The following BMP1 variants were observed in gnomAD, a reference collection of about 807,000 sequenced individuals.
BMP1 encodes the protein bone morphogenetic protein 1, also known as mammalian tolloid protein.
Under a neutral mutation model 116.8 loss-of-function variants are expected in BMP1, and 63 were observed. That is an observed-to-expected ratio of 0.54 (90% CI 0.44 to 0.67). The LOEUF (loss-of-function observed/expected upper bound fraction) is 0.67, where lower values mean the gene tolerates loss of function less well. BMP1 is among the 30% of genes least tolerant of loss of function. The pLI, the probability that BMP1 is intolerant of heterozygous loss-of-function variation, is 0.00. For missense variants in BMP1, 1,183 were observed against 1,358.9 expected, an observed-to-expected ratio of 0.87 and a Z score of 2.04; for synonymous variants, 536 against 533.4, an observed-to-expected ratio of 1.00 and a Z score of -0.07.
At chr8:22,207,262 C>T in intron 17 of BMP1, 41 bp from the exon 18 acceptor site, 7 of 1,590,588 alleles carry the variant, frequency 4.4e-6, no homozygotes, top group Non-Finnish European at 6.0e-6. Context: ...ACCTGCCTTC[C>T]AGCCAAATTT....
intron 19 of BMP1, among the ~76,000 whole-genome samples, chr8:22,210,989 T>G (rs1829453927): frequency 6.6e-6 from 1 of 152,144 alleles, no homozygotes. Context: ...CCTCACTCAG[T>G]AGGCTTGCAG....
chr8:22,203,610 T>C (rs975665912), intron 16 of BMP1, among the ~76,000 whole-genome samples: 4 of 152,190 alleles, frequency 2.6e-5, no homozygotes, highest in South Asian at 2.1e-4. Context: ...CTAAGCTTTA[T>C]AGACATGGCT....
intron 2 of BMP1, among the ~76,000 whole-genome samples, 162 bp downstream of exon 2, chr8:22,173,877 C>G (rs1167760188): frequency 9.8e-5 from 15 of 152,312 alleles, no homozygotes; most frequent in Admixed American, 9.2e-4. Flanking sequence ...TCATCCCTTC[C>G]CCAGAGGAGT....
intron 1 of BMP1, among the ~76,000 whole-genome samples, chr8:22,173,269 T>C (rs1219127172): frequency 1.3e-5 from 2 of 152,120 alleles, no homozygotes; most frequent in African/African-American, 4.8e-5. Flanking sequence ...CTGGGCAACA[T>C]AGCAAGACCC....
chr8:22,176,800 G>A (rs1401682775), intron 4 of BMP1, 150 bp downstream of exon 4: 15 of 1,012,374 alleles, frequency 1.5e-5, no homozygotes, highest in South Asian at 3.0e-5. Context: ...TGCCCCCTGT[G>A]CGGCTGTGAC....
At chr8:22,170,240 C>T (rs1828238354) in intron 1 of BMP1, 1 of 152,494 alleles carries the variant, frequency 6.6e-6, no homozygotes, top group Non-Finnish European at 1.5e-5. Context: ...TCTGTGGCCT[C>T]TGCACCAGGG....
chr8:22,190,546 C>A (rs946815135), intron 8 of BMP1, among the ~76,000 whole-genome samples: 3 of 152,142 alleles, frequency 2.0e-5, no homozygotes, highest in Admixed American at 1.3e-4. Flanking sequence ...CCGGCCTGCA[C>A]GGCGTGACGT....
At chr8:22,177,568 C>G (rs368485444) in intron 5 of BMP1, 21 of 740,106 alleles carry the variant, frequency 2.8e-5, no homozygotes, top group African/African-American at 2.4e-4. Flanking sequence ...CTCTCCCAGG[C>G]GTTCTCCACT....
At chr8:22,175,906 C>T (rs185529930) in intron 2 of BMP1, among the ~76,000 whole-genome samples, 30 of 152,280 alleles carry the variant, frequency 2.0e-4, no homozygotes, top group East Asian at 1.2e-3. Context: ...CGGAGCGTTG[C>T]CTTATTCCAC....
intron 8 of BMP1, among the ~76,000 whole-genome samples, chr8:22,187,702 G>A (rs943345959): frequency 4.6e-5 from 7 of 151,798 alleles, no homozygotes; most frequent in Non-Finnish European, 7.4e-5. Context: ...CCCCAGGGAC[G>A]CTATTTCTCT....
In BMP1 at chr8:22,194,647, G is replaced by C. The variant is rs1446307439; in HGVS notation, c.1443+57G>C. 4.4e-6 allele frequency: 7 copies of C among 1,601,500 alleles called. No homozygotes were observed. The African/African-American group carries it at 8.0e-5, about 18-fold the overall frequency. Reference sequence around the variant, plus strand: ...AATCCAGCAGTTGCTCCCTGGGACAGCTGCCTCTCTTTGGGCTCCCAGGGG... The same window carrying C: ...AATCCAGCAGTTGCTCCCTGGGACACCTGCCTCTCTTTGGGCTCCCAGGGG... On this transcript the variant is annotated intron_variant, in intron 11 of 19. Transcript: ENST00000306385. The surrounding 1 kb of genome is among the most constrained non-coding windows in gnomAD (Gnocchi z 4.5).
At chr8:22,205,990 G>A (rs1829346458) in intron 16 of BMP1, among the ~76,000 whole-genome samples, 1 of 152,164 alleles carries the variant, frequency 6.6e-6, no homozygotes, top group Non-Finnish European at 1.5e-5. Context: ...AGCAGGAGTG[G>A]GGGTGGGGAG....
chr8:22,181,844 C>T (rs1178723216), intron 8 of BMP1, among the ~76,000 whole-genome samples: 1 of 152,112 alleles, frequency 6.6e-6, no homozygotes, highest in African/African-American at 2.4e-5. Flanking sequence ...CGTGAGCCAC[C>T]GCATCTGGCC....
chr8:22,203,505 C>A (rs1362570869), intron 16 of BMP1, among the ~76,000 whole-genome samples: 1 of 152,056 alleles, frequency 6.6e-6, no homozygotes, highest in Non-Finnish European at 1.5e-5. Flanking sequence ...TGCAGTGAGC[C>A]GAGATCATGC....
rs376987596 is a variant in BMP1, at chr8:22,194,871, T to A, written c.1591T>A (p.Ser531Thr). Residue 531 changes from serine to threonine, a missense_variant, in exon 12 of 20, where the codon TCT becomes ACT. Transcript: ENST00000306385. The surrounding 1 kb of genome is among the most constrained non-coding windows in gnomAD (Gnocchi z 4.5). ...CAGCCGCCTCTGGCTCAAGTTCGTC[T>A]CTGACGGGTCCATTAACAAAGCGGG... is the stretch of plus-strand genomic sequence containing the variant. ...TSSRLWLKFV[S>T]DGSINKAGFA... is the part of the protein sequence containing the mutation. The A allele has an allele frequency of 6.2e-7, 1 of 1,613,038 alleles. No individual in the cohort carries two copies. Among genetic ancestry groups the A allele is most frequent in the African/African-American group, 1.3e-5 (1 of 74,816 alleles).
chr8:22,208,624 T>C (rs6983152), intron 18 of BMP1, among the ~76,000 whole-genome samples: 69,920 of 152,078 alleles, frequency 0.46, 18,494 homozygotes, highest in African/African-American at 0.74. Flanking sequence ...GCCGAAGCAA[T>C]GGGTGTGTGA....
Position 22,206,902 on chromosome 8 carries a change from C to T in BMP1, c.2282C>T (p.Pro761Leu), listed in dbSNP as rs1563279975. The T allele has an allele frequency of 6.8e-6, 11 of 1,614,188 alleles. No individual in the cohort carries two copies. Among genetic ancestry groups the T allele is most frequent in the Non-Finnish European group, 9.3e-6 (11 of 1,180,024 alleles). ...VTSTSGTITSPNWPDKYPSKK... is the reference protein window; with the variant it reads ...VTSTSGTITSLNWPDKYPSKK... ...TCCACCAGTGGTACCATCACCAGCC[C>T]CAACTGGCCTGACAAGTATCCCAGC... Residue 761 changes from proline to leucine, a missense_variant, in exon 17 of 20, where the codon CCC becomes CTC. By Grantham distance (98) the Pro-to-Leu change is moderately conservative. Coordinates refer to ENST00000306385, the MANE Select transcript of BMP1 (RefSeq NM_006129.5).
At chr8:22,200,563 G>A (rs1161181336) in intron 15 of BMP1, among the ~76,000 whole-genome samples, 1 of 152,172 alleles carries the variant, frequency 6.6e-6, no homozygotes, top group Non-Finnish European at 1.5e-5. Context: ...TTGGAGATTG[G>A]AGCTGTGTGT....
At position 22,194,671 on chromosome 8, in the gene BMP1, G is replaced by A. The variant is rs1829028447; in HGVS notation, c.1444-53G>A. 2.6e-5 allele frequency: 42 copies of A among 1,595,522 alleles called. No individual in the cohort carries two copies. Among genetic ancestry groups the A allele is most frequent in the Non-Finnish European group, 3.6e-5 (42 of 1,169,182 alleles). ...AGCTGCCTCTCTTTGGGCTCCCAGG[G>A]GTGGGTCTCTGGCAGCCAGAGCCCC... On this transcript the variant is annotated intron_variant, in intron 11 of 19. Transcript: ENST00000306385. The surrounding 1 kb of genome is among the most constrained non-coding windows in gnomAD (Gnocchi z 4.5).
Sources: allele counts gnomAD v4.1 joint callset (sites outside exome capture counted in the v4.1 genomes callset), GRCh38; gene constraint gnomAD v4.1.1; non-coding constraint Gnocchi (gnomAD v3.1); transcripts MANE v1.5; gene names NCBI Gene and HGNC (gene_info 2026-07-23, HGNC 2026-07-21).